The following MAGI2 variants were observed in gnomAD, a reference collection of about 807,000 sequenced individuals.
MAGI2 encodes the protein membrane associated guanylate kinase, WW and PDZ domain containing 2.
In MAGI2, 35 loss-of-function variants were observed where a neutral mutation model predicts 133.3. That is an observed-to-expected ratio of 0.26 (90% CI 0.20 to 0.35). MAGI2 has a LOEUF of 0.35. MAGI2 is among the 10% of genes least tolerant of loss of function. The probability of loss-of-function intolerance (pLI) is 1.00; values close to 1 mark genes in which losing one functional copy is unlikely to be tolerated. For missense variants in MAGI2, 1,636 were observed against 1,863.4 expected (o/e 0.88, Z 2.25); for synonymous variants, 729 against 710.6 (o/e 1.03, Z -0.41).
intron 2 of MAGI2, among the ~76,000 whole-genome samples, chr7:78,643,324 A>C (rs1810503306): frequency 6.6e-6 from 1 of 152,212 alleles, no homozygotes; most frequent in Non-Finnish European, 1.5e-5. Flanking sequence ...AGGAAGCTAC[A>C]AATATTTAAA....
chr7:79,366,057 C>G (rs1842691023), intron 1 of MAGI2, among the ~76,000 whole-genome samples: 1 of 150,880 alleles, frequency 6.6e-6, no homozygotes, highest in South Asian at 2.1e-4. Context: ...GCCTGGGCAA[C>G]ATGGTGAAAC....
At chr7:79,282,733 T>C (rs548593159) in intron 1 of MAGI2, among the ~76,000 whole-genome samples, 4 of 152,164 alleles carry the variant, frequency 2.6e-5, no homozygotes, top group African/African-American at 9.6e-5. Context: ...GATGATCTTA[T>C]ATAGATAAAA....
intron 1 of MAGI2, among the ~76,000 whole-genome samples, chr7:79,250,342 C>T (rs1175386582): frequency 8.8e-6 from 1 of 113,192 alleles, no homozygotes; most frequent in Non-Finnish European, 1.9e-5. Context: ...AAGCTAATGA[C>T]TCTACCAAAA....
chr7:79,381,756 A>G (rs1843798720), intron 1 of MAGI2, among the ~76,000 whole-genome samples: 1 of 151,772 alleles, frequency 6.6e-6, no homozygotes, highest in South Asian at 2.1e-4. Flanking sequence ...TTGACCAAGT[A>G]CAGTGCTGTG....
At chr7:79,188,584 A>G (rs1221603346) in intron 1 of MAGI2, among the ~76,000 whole-genome samples, 1 of 151,892 alleles carries the variant, frequency 6.6e-6, no homozygotes, top group African/African-American at 2.4e-5. Flanking sequence ...TGCAATGAAC[A>G]TATGCATAAG....
chr7:78,964,699 T>C (rs1803155638), intron 2 of MAGI2, among the ~76,000 whole-genome samples: 1 of 152,048 alleles, frequency 6.6e-6, no homozygotes, highest in South Asian at 2.1e-4. Context: ...TTGATCACTT[T>C]TGACATAAAG....
chr7:79,084,718 T>C (rs1816336444), intron 1 of MAGI2, among the ~76,000 whole-genome samples: 1 of 151,820 alleles, frequency 6.6e-6, no homozygotes, highest in Non-Finnish European at 1.5e-5. Context: ...GTTATGTCCA[T>C]TTTTGAAAAT....
At chr7:78,713,928 T>C (rs1019206658) in intron 2 of MAGI2, among the ~76,000 whole-genome samples, 2 of 152,128 alleles carry the variant, frequency 1.3e-5, no homozygotes, top group Non-Finnish European at 2.9e-5. Context: ...CAGTTTGTAC[T>C]CTCCTTGTGC....
chr7:78,337,494 T>C (rs1391751609), intron 9 of MAGI2, among the ~76,000 whole-genome samples: 2 of 152,234 alleles, frequency 1.3e-5, no homozygotes, highest in Non-Finnish European at 2.9e-5. Context: ...AGGATTTTTC[T>C]TTGTGCCTAC....
chr7:78,819,218 CA>C (rs1789874389), intron 2 of MAGI2, among the ~76,000 whole-genome samples: 1 of 152,102 alleles, frequency 6.6e-6, no homozygotes, highest in Non-Finnish European at 1.5e-5. Flanking sequence ...TCCTACATCA[CA>C]AAGTGTTCCT....
intron 1 of MAGI2, among the ~76,000 whole-genome samples, chr7:79,270,653 A>C (rs1834809138): frequency 6.6e-6 from 1 of 152,096 alleles, no homozygotes; most frequent in Non-Finnish European, 1.5e-5. Context: ...TCTTTATTTG[A>C]TACTCATCAG....
chr7:78,804,459 A>C (rs1443389540), intron 2 of MAGI2, among the ~76,000 whole-genome samples: 4 of 151,944 alleles, frequency 2.6e-5, no homozygotes, highest in Non-Finnish European at 4.4e-5. Flanking sequence ...AAAAAAAAAA[A>C]AACTTTGGGC....
chr7:78,453,659 T>A (rs1456604874), intron 6 of MAGI2, among the ~76,000 whole-genome samples: 1 of 152,186 alleles, frequency 6.6e-6, no homozygotes, highest in African/African-American at 2.4e-5. Context: ...GCCAGTGCAA[T>A]GCTGAACAGT....
At chr7:78,322,391 T>C (rs917343188) in intron 9 of MAGI2, among the ~76,000 whole-genome samples, 1 of 152,020 alleles carries the variant, frequency 6.6e-6, no homozygotes, top group Non-Finnish European at 1.5e-5. Flanking sequence ...CTGGATAAGG[T>C]AAATGTGGCA....
intron 1 of MAGI2, among the ~76,000 whole-genome samples, chr7:79,223,126 C>A (rs948381429): frequency 1.3e-5 from 2 of 152,022 alleles, no homozygotes; most frequent in African/African-American, 4.8e-5. Context: ...ACCTCGTGAT[C>A]CACCCGCCTC....
At chr7:78,162,312 T>C (rs1056793671) in intron 15 of MAGI2, among the ~76,000 whole-genome samples, 1 of 146,542 alleles carries the variant, frequency 6.8e-6, no homozygotes, top group East Asian at 2.0e-4. Context: ...GATCACGAGG[T>C]CAGGAGATCG....
intron 2 of MAGI2, among the ~76,000 whole-genome samples, chr7:78,993,374 A>G (rs1333802947): frequency 6.6e-6 from 1 of 152,124 alleles, no homozygotes; most frequent in Non-Finnish European, 1.5e-5. Context: ...CTTTTAATAA[A>G]TAATTTTAAG....
At chr7:78,855,716 C>T (rs1398600933) in intron 2 of MAGI2, among the ~76,000 whole-genome samples, 1 of 152,202 alleles carries the variant, frequency 6.6e-6, no homozygotes, top group Non-Finnish European at 1.5e-5. Context: ...AATAAACATA[C>T]ATGTGCATGT....
intron 21 of MAGI2, among the ~76,000 whole-genome samples, chr7:78,068,459 A>G (rs891424891): frequency 2.6e-5 from 4 of 152,018 alleles, no homozygotes; most frequent in African/African-American, 7.2e-5. Context: ...GTGTCAATGT[A>G]GGTTCCTCAG....
Sources: allele counts gnomAD v4.1 joint callset (sites outside exome capture counted in the v4.1 genomes callset), GRCh38; gene constraint gnomAD v4.1.1; transcripts MANE v1.5; gene names NCBI Gene and HGNC (gene_info 2026-07-23, HGNC 2026-07-21).